ZHX2: variants seen among roughly 807,000 people sequenced by gnomAD.
The protein encoded by ZHX2 is zinc fingers and homeoboxes protein 2.
A neutral mutation model predicts 21.9 loss-of-function variants in ZHX2; 6 were observed. The observed-to-expected ratio is 0.27, with a 90% CI of 0.15 to 0.54. The LOEUF is 0.54. Among genes scored for constraint, ZHX2 ranks in the 20% least tolerant of loss-of-function variants. The probability of loss-of-function intolerance (pLI) is 0.95; values close to 1 mark genes in which losing one functional copy is unlikely to be tolerated. For synonymous variants in ZHX2, 434 were observed against 437.1 expected (o/e 0.99, Z 0.09); for missense variants, 908 against 1,090.7 (o/e 0.83, Z 2.36).
At chr8:122,930,293 T>C (rs1308088702) in intron 2 of ZHX2, among the ~76,000 whole-genome samples, 1 of 152,140 alleles carries the variant, frequency 6.6e-6, no homozygotes, top group Admixed American at 6.5e-5. Context: ...GAAAGGACTA[T>C]TGGCAAAAAG....
intron 1 of ZHX2, among the ~76,000 whole-genome samples, chr8:122,806,901 G>A (rs1817835493): frequency 6.6e-6 from 1 of 152,184 alleles, no homozygotes; most frequent in African/African-American, 2.4e-5. Flanking sequence ...TTTTCTCTAG[G>A]TCTGATGATA....
At chr8:122,939,629 A>C (rs1812792980) in intron 2 of ZHX2, among the ~76,000 whole-genome samples, 1 of 152,190 alleles carries the variant, frequency 6.6e-6, no homozygotes, top group Admixed American at 6.5e-5. Context: ...ATGCTTGGAG[A>C]TGGAAAAGGT....
At chr8:122,864,871 G>A (rs1015319565) in intron 2 of ZHX2, among the ~76,000 whole-genome samples, 1 of 152,184 alleles carries the variant, frequency 6.6e-6, no homozygotes, top group Admixed American at 6.5e-5. Flanking sequence ...TGAGCACACG[G>A]GTTCCTTTGT....
intron 1 of ZHX2, among the ~76,000 whole-genome samples, chr8:122,786,169 A>G (rs1184336545): frequency 6.6e-6 from 1 of 152,176 alleles, no homozygotes; most frequent in African/African-American, 2.4e-5. Flanking sequence ...TAATTCAGTT[A>G]GTGGGACTGG....
intron 1 of ZHX2, among the ~76,000 whole-genome samples, chr8:122,825,597 AT>A (rs1273717414): frequency 6.6e-6 from 1 of 152,186 alleles, no homozygotes; most frequent in Non-Finnish European, 1.5e-5. Context: ...CTCCTGACAT[AT>A]GAAGATATGC....
At chr8:122,911,982 C>T (rs1820491301) in intron 2 of ZHX2, among the ~76,000 whole-genome samples, 1 of 152,146 alleles carries the variant, frequency 6.6e-6, no homozygotes, top group East Asian at 1.9e-4. Flanking sequence ...GCAGCTGCCC[C>T]CTGGAATCCC....
At chr8:122,847,344 G>T (rs149223724) in intron 1 of ZHX2, among the ~76,000 whole-genome samples, 3 of 152,254 alleles carry the variant, frequency 2.0e-5, no homozygotes, top group South Asian at 4.1e-4. Flanking sequence ...TGTCCTCCCC[G>T]CCCTGCCTCC....
chr8:122,850,008 C>T (rs988616296), intron 1 of ZHX2, among the ~76,000 whole-genome samples: 4 of 152,178 alleles, frequency 2.6e-5, no homozygotes, highest in African/African-American at 9.7e-5. Context: ...AAACTTAACA[C>T]GTCTAAAATT....
At chr8:122,964,776 C>CT (rs1261853792) in intron 3 of ZHX2, among the ~76,000 whole-genome samples, 2 of 151,546 alleles carry the variant, frequency 1.3e-5, no homozygotes, top group South Asian at 2.1e-4. Flanking sequence ...TGGTCCTGGA[C>CT]TTTTTTTTGT....
chr8:122,944,759 T>A (rs1299772510), intron 2 of ZHX2, among the ~76,000 whole-genome samples: 1 of 152,252 alleles, frequency 6.6e-6, no homozygotes, highest in African/African-American at 2.4e-5. Flanking sequence ...GGTGTCTAGA[T>A]GGCAGTGCCC....
intron 1 of ZHX2, among the ~76,000 whole-genome samples, chr8:122,834,616 TAGA>T (rs1818456107): frequency 6.6e-6 from 1 of 152,254 alleles, no homozygotes; most frequent in Non-Finnish European, 1.5e-5. Flanking sequence ...AGGCTAAATT[TAGA>T]AGGTCTCATT....
chr8:122,790,994 C>T (rs1817507434), intron 1 of ZHX2, among the ~76,000 whole-genome samples: 1 of 152,216 alleles, frequency 6.6e-6, no homozygotes, highest in African/African-American at 2.4e-5. Flanking sequence ...GGAAGCCAGG[C>T]AGGCTTGTGC....
In ZHX2 at chr8:122,953,991, C is replaced by T. The variant is rs751321473; in HGVS notation, c.2481C>T (p.Ser827=). The T allele has an allele frequency of 6.2e-6, 10 of 1,609,424 alleles. 1 individual carries two copies. In the Admixed American group the frequency reaches 1.0e-4, roughly 16 times the overall value. ...TGTCGGAACTGGCTGAATCAGACTCCGACTGCGTCCCTGCAGAGGCTGGCC... is the reference window on the plus strand; with the variant it reads ...TGTCGGAACTGGCTGAATCAGACTCTGACTGCGTCCCTGCAGAGGCTGGCC... ...EGVSELAESD[S]DCVPAEAGQA is the part of the protein sequence containing the mutation. Residue 827 remains serine, a synonymous_variant, in exon 3 of 4, where the codon TCC becomes TCT. Transcript: ENST00000314393. The surrounding 1 kb of genome is among the most constrained non-coding windows in gnomAD (Gnocchi z 4.6).
At chr8:122,840,314 TAG>T (rs1818597020) in intron 1 of ZHX2, among the ~76,000 whole-genome samples, 1 of 152,202 alleles carries the variant, frequency 6.6e-6, no homozygotes, top group Non-Finnish European at 1.5e-5. Context: ...CCAAGTTTGG[TAG>T]AGTGTCGTGG....
At chr8:122,893,967 CAA>C (rs757269796) in intron 2 of ZHX2, among the ~76,000 whole-genome samples, 34 of 152,338 alleles carry the variant, frequency 2.2e-4, no homozygotes, top group Admixed American at 5.9e-4. Flanking sequence ...TATTCATAGG[CAA>C]AGACTTTTTC....
At chr8:122,792,005 G>A (rs1455836724) in intron 1 of ZHX2, among the ~76,000 whole-genome samples, 1 of 152,152 alleles carries the variant, frequency 6.6e-6, no homozygotes, top group African/African-American at 2.4e-5. Flanking sequence ...CCCACTTTAA[G>A]TGTACAATTT....
chr8:122,795,339 A>G (rs1235156968), intron 1 of ZHX2, among the ~76,000 whole-genome samples: 1 of 152,214 alleles, frequency 6.6e-6, no homozygotes, highest in South Asian at 2.1e-4. Context: ...CTTTTGGCCT[A>G]TCTTGGCCAA....
At chr8:122,794,980 A>C (rs1192236110) in intron 1 of ZHX2, among the ~76,000 whole-genome samples, 5 of 152,200 alleles carry the variant, frequency 3.3e-5, no homozygotes, top group African/African-American at 2.4e-5. Flanking sequence ...CTGTTTGTAC[A>C]TCTGCATCCC....
At chr8:122,968,334 C>G (rs57403132) in intron 3 of ZHX2, among the ~76,000 whole-genome samples, 2,868 of 152,228 alleles carry the variant, frequency 0.019, 72 homozygotes, top group African/African-American at 0.064. Flanking sequence ...GCCCTTCAAA[C>G]CACGCAGGGA....
Sources: gnomAD v4.1 joint callset for allele counts (sites outside exome capture counted in the v4.1 genomes callset) on GRCh38, gnomAD v4.1.1 for gene constraint, Gnocchi (gnomAD v3.1) non-coding constraint, MANE v1.5 for transcripts, NCBI Gene and HGNC (gene_info 2026-07-23, HGNC 2026-07-21) for gene names.